The following CEP120 variants were observed in gnomAD, a reference collection of about 807,000 sequenced individuals.
The protein encoded by CEP120 is centrosomal protein 120.
In CEP120, 113 loss-of-function variants were observed where a neutral mutation model predicts 126.5. That is an observed-to-expected ratio of 0.89 (90% CI 0.77 to 1.04). The LOEUF (loss-of-function observed/expected upper bound fraction) is 1.04, where lower values mean the gene tolerates loss of function less well. Among genes scored for constraint, CEP120 ranks in the 50% least tolerant of loss-of-function variants. CEP120 has a pLI of 0.00. For missense variants in CEP120, 1,230 were observed against 1,155.7 expected, an observed-to-expected ratio of 1.06 and a Z score of -0.93; for synonymous variants, 400 against 394.3, an observed-to-expected ratio of 1.01 and a Z score of -0.17.
chr5:123,380,040 A>G (rs1771529955), intron 14 of CEP120, among the ~76,000 whole-genome samples: 1 of 152,144 alleles, frequency 6.6e-6, no homozygotes, highest in South Asian at 2.1e-4. Context: ...AACCACGTAT[A>G]TATCTACTCC....
At chr5:123,348,512 T>C (rs1034415966) in intron 19 of CEP120, among the ~76,000 whole-genome samples, 2 of 152,226 alleles carry the variant, frequency 1.3e-5, no homozygotes, top group South Asian at 2.1e-4. Flanking sequence ...GTACCACAGA[T>C]TGAATGCTGT....
chr5:123,387,010 A>C (rs1350264992), intron 9 of CEP120, among the ~76,000 whole-genome samples: 2 of 152,182 alleles, frequency 1.3e-5, no homozygotes, highest in African/African-American at 4.8e-5. Context: ...CTCCAAAAGG[A>C]TGCATTCATG....
intron 9 of CEP120, 193 bp downstream of exon 9, chr5:123,388,239 C>G (rs541146506): frequency 3.1e-5 from 11 of 357,396 alleles, no homozygotes; most frequent in Middle Eastern, 1.4e-3. Context: ...AATAATAAGA[C>G]AGTTACCTCT....
intron 18 of CEP120, among the ~76,000 whole-genome samples, chr5:123,353,421 T>A (rs1769342280): frequency 6.6e-6 from 1 of 151,938 alleles, no homozygotes. Flanking sequence ...AAGTTTAATA[T>A]CTTAAACTTG....
intron 16 of CEP120, among the ~76,000 whole-genome samples, chr5:123,373,665 T>C (rs926806891): frequency 3.0e-4 from 45 of 152,080 alleles, no homozygotes; most frequent in African/African-American, 1.1e-3. Flanking sequence ...GGTTCTCTCT[T>C]TACAGATGTG....
chr5:123,416,380 G>C (rs1473390080), intron 2 of CEP120, among the ~76,000 whole-genome samples: 1 of 151,754 alleles, frequency 6.6e-6, no homozygotes, highest in East Asian at 1.9e-4. Flanking sequence ...GACCAACATG[G>C]TGAAACCTCA....
chr5:123,378,061 T>C (rs923607015), intron 15 of CEP120, among the ~76,000 whole-genome samples: 1 of 152,046 alleles, frequency 6.6e-6, no homozygotes, highest in Non-Finnish European at 1.5e-5. Context: ...TAATAAACAG[T>C]ATGAATTTCA....
chr5:123,387,360 C>T (rs1026088770), intron 9 of CEP120, among the ~76,000 whole-genome samples: 13 of 151,896 alleles, frequency 8.6e-5, no homozygotes, highest in East Asian at 5.8e-4. Flanking sequence ...ATGTCATTTC[C>T]GAGGAAAGTT....
intron 1 of CEP120, among the ~76,000 whole-genome samples, chr5:123,419,301 T>C (rs1774567401): frequency 6.6e-6 from 1 of 152,180 alleles, no homozygotes; most frequent in East Asian, 1.9e-4. Flanking sequence ...GGGAAATAAA[T>C]TAGTAAAAAC....
chr5:123,385,233 T>G (rs1771938613), intron 10 of CEP120, 100 bp from the exon 11 acceptor site: 1 of 869,316 alleles, frequency 1.2e-6, no homozygotes, highest in African/African-American at 1.7e-5. Context: ...CAAAGATGTT[T>G]TTTGTTACCT....
chr5:123,416,033 T>C lies in CEP120; in HGVS notation c.298A>G (p.Arg100Gly). The C allele has an allele frequency of 6.2e-7, 1 of 1,613,596 alleles. No homozygotes were observed. The highest frequency in any genetic ancestry group is 8.5e-7 in the Non-Finnish European group (1 of 1,179,586). ...ACCTGCTTTGTTTCTTGAGCGGTTCTTAAATCCAGAACGATGTAACCTATG... is the reference window on the plus strand; with the variant it reads ...ACCTGCTTTGTTTCTTGAGCGGTTCCTAAATCCAGAACGATGTAACCTATG... Reference protein sequence around the residue: ...ETIGYIVLDLRTAQETKQAPK... With the variant: ...ETIGYIVLDLGTAQETKQAPK... Residue 100 changes from arginine (R) to glycine (G), a missense_variant, in exon 3 of 20, where the codon AGA (arginine) becomes GGA (glycine). Coordinates refer to ENST00000306467, the MANE Select transcript of CEP120 (RefSeq NM_001375405.1).
At chr5:123,400,788 C>G (rs1028299389) in intron 4 of CEP120, 1 of 704,298 alleles carries the variant, frequency 1.4e-6, no homozygotes, top group East Asian at 2.7e-5. Flanking sequence ...AACTCCCCCG[C>G]GGGTGGACTG....
In CEP120 at chr5:123,378,422, C is replaced by T. The variant is rs1167424722; in HGVS notation, c.2110G>A (p.Glu704Lys). 1 of 1,414,026 alleles carries T rather than the reference C, an allele frequency of 7.1e-7. No homozygotes were observed. The highest frequency in any genetic ancestry group is 1.3e-5 in the South Asian group (1 of 79,838). The allele number at this position is 1,414,026 out of a possible 1,614,324, so 87.6% of individuals were successfully genotyped here. The change falls in exon 15 of 20, where the codon GAA becomes AAA. Residue 704 changes from glutamate (E) to lysine (K), a missense_variant. Physicochemically the swap from Glu to Lys is moderately conservative, Grantham distance 56. Coordinates refer to ENST00000306467, the MANE Select transcript of CEP120 (RefSeq NM_001375405.1). Reference protein sequence around the residue: ...RESLVKKKVAEYTILEGKLQK... With the variant: ...RESLVKKKVAKYTILEGKLQK... ...AGTTTTCCTTCTAGAATAGTATATT[C>T]AGCCACCTAAAATATAGTAAAAAAA...
intron 18 of CEP120, among the ~76,000 whole-genome samples, chr5:123,352,886 A>G (rs376635831): frequency 1.6e-5 from 1 of 62,682 alleles, no homozygotes; most frequent in African/African-American, 6.5e-5. Context: ...TTCTTTGATT[A>G]TATTTTAGAT....
At position 123,417,401 on chromosome 5, in the gene CEP120, A is replaced by G. The variant is rs1774456612; in HGVS notation, c.206+958T>C. ...AAAATATATTTTTAATCCTTAAATA[A>G]ATAAGAGTATTGCTTTTATTGTTGT... On this transcript the variant is annotated intron_variant, in intron 2 of 19. Coordinates refer to ENST00000306467, the MANE Select transcript of CEP120 (RefSeq NM_001375405.1). Among the ~76,000 whole-genome samples, 3 of 152,210 alleles carry G rather than the reference A, an allele frequency of 2.0e-5. No homozygotes were observed. The South Asian group carries it at 6.2e-4, about 31-fold the overall frequency.
intron 4 of CEP120, among the ~76,000 whole-genome samples, chr5:123,409,233 A>T (rs1460601016): frequency 6.6e-6 from 1 of 152,204 alleles, no homozygotes; most frequent in African/African-American, 2.4e-5. Flanking sequence ...TCCATTATCT[A>T]TTAATGATAA....
At chr5:123,391,891 T>C (rs1278048464) in intron 6 of CEP120, among the ~76,000 whole-genome samples, 2 of 152,058 alleles carry the variant, frequency 1.3e-5, no homozygotes, top group African/African-American at 2.4e-5. Flanking sequence ...TAAAAGAATA[T>C]CTCTGGAGTG....
intron 16 of CEP120, among the ~76,000 whole-genome samples, chr5:123,376,083 GT>G (rs1335483131): frequency 6.6e-6 from 1 of 151,658 alleles, no homozygotes; most frequent in Non-Finnish European, 1.5e-5. Context: ...AACCAGAACA[GT>G]TTTTATGGAG....
Position 123,393,446 on chromosome 5 carries a change from A to G in CEP120, c.664T>C (p.Tyr222His). The change falls in exon 6 of 20, where the codon TAC becomes CAC. Residue 222 changes from tyrosine (Y) to histidine (H), a missense_variant. Tyr to His is a moderately conservative substitution (Grantham distance 83). Coordinates refer to ENST00000306467, the MANE Select transcript of CEP120 (RefSeq NM_001375405.1). ...ACATCATTTCCCAGTAAAGAGTAGTAAAAGAAAAACTCAGGCTGTCTTTCT... is the reference window on the plus strand; with the variant it reads ...ACATCATTTCCCAGTAAAGAGTAGTGAAAGAAAAACTCAGGCTGTCTTTCT... ...LPERQPEFFF[Y>H]YSLLGNDVTN... 2 of 1,614,150 alleles carry G rather than the reference A, an allele frequency of 1.2e-6. No homozygotes were observed. Among genetic ancestry groups the G allele is most frequent in the Non-Finnish European group, 8.5e-7 (1 of 1,179,990 alleles).
Sources: gnomAD v4.1 joint callset for allele counts (sites outside exome capture counted in the v4.1 genomes callset) on GRCh38, gnomAD v4.1.1 for gene constraint, MANE v1.5 for transcripts, NCBI Gene and HGNC (gene_info 2026-07-23, HGNC 2026-07-21) for gene names.